PDCD10: variants seen among roughly 807,000 people sequenced by gnomAD.
The protein encoded by PDCD10 is programmed cell death 10.
PDCD10 carries 4 observed loss-of-function variants against 29.2 expected under a neutral mutation model. The observed-to-expected ratio is 0.14, with a 90% CI of 0.07 to 0.31. The LOEUF (loss-of-function observed/expected upper bound fraction) is 0.31. PDCD10 is among the 10% of genes least tolerant of loss of function. PDCD10 has a pLI of 1.00. For missense variants in PDCD10, 183 were observed against 257.9 expected (o/e 0.71, Z 1.99); for synonymous variants, 70 against 82.2 (o/e 0.85, Z 0.80).
chr3:167,709,104 A>C (rs780694936), intron 3 of PDCD10, among the ~76,000 whole-genome samples: 13 of 152,136 alleles, frequency 8.5e-5, no homozygotes, highest in Non-Finnish European at 1.9e-4. Flanking sequence ...AAGAATGTTT[A>C]CTATGCTCAA....
intron 2 of PDCD10, among the ~76,000 whole-genome samples, chr3:167,730,229 C>T: frequency 6.6e-6 from 1 of 150,948 alleles, no homozygotes; most frequent in Admixed American, 6.6e-5. Flanking sequence ...TGTGTGTGTC[C>T]CTAAAGCATA....
intron 4 of PDCD10, among the ~76,000 whole-genome samples, chr3:167,701,041 C>T (rs1309109555): frequency 1.3e-5 from 2 of 152,090 alleles, no homozygotes; most frequent in East Asian, 3.9e-4. Context: ...CAGGACTGTC[C>T]TTATTTATAA....
At chr3:167,689,919 T>A (rs1227979468) in intron 6 of PDCD10, among the ~76,000 whole-genome samples, 1 of 152,196 alleles carries the variant, frequency 6.6e-6, no homozygotes, top group Non-Finnish European at 1.5e-5. Context: ...CAGAAAAGTA[T>A]TTTCATTTAT....
At chr3:167,688,402 C>G (rs1173929144) in intron 6 of PDCD10, among the ~76,000 whole-genome samples, 1 of 152,080 alleles carries the variant, frequency 6.6e-6, no homozygotes, top group Non-Finnish European at 1.5e-5. Context: ...GCACTTTAAC[C>G]TTCCCAGCAA....
intron 8 of PDCD10, 35 bp from the exon 9 acceptor site, chr3:167,684,424 T>C (rs765479593): frequency 1.1e-5 from 14 of 1,245,516 alleles, no homozygotes; most frequent in East Asian, 2.3e-5. Flanking sequence ...ATTAATTTCA[T>C]CCAAAAAATT....
At chr3:167,729,379 T>A (rs964176159) in intron 2 of PDCD10, among the ~76,000 whole-genome samples, 1 of 152,328 alleles carries the variant, frequency 6.6e-6, no homozygotes, top group South Asian at 2.1e-4. Flanking sequence ...AACTGCTCTG[T>A]AACTACAACT....
intron 6 of PDCD10, among the ~76,000 whole-genome samples, chr3:167,692,719 C>G (rs1000005256): frequency 6.6e-6 from 1 of 152,184 alleles, no homozygotes; most frequent in Non-Finnish European, 1.5e-5. Flanking sequence ...GAGATCGAGA[C>G]CATCCTGGCT....
At chr3:167,720,368 T>C in intron 2 of PDCD10, 95 bp from the exon 3 acceptor site, 2 of 533,164 alleles carry the variant, frequency 3.8e-6, no homozygotes, top group Admixed American at 6.4e-5. Context: ...AGTTCCTATT[T>C]TATGAAAAGC....
chr3:167,692,090 G>C (rs960456968), intron 6 of PDCD10, among the ~76,000 whole-genome samples: 1 of 152,090 alleles, frequency 6.6e-6, no homozygotes, highest in East Asian at 1.9e-4. Flanking sequence ...ATGTGTCATG[G>C]CTCATCAACA....
chr3:167,693,469 T>C (rs1347105949), intron 6 of PDCD10, among the ~76,000 whole-genome samples: 1 of 152,212 alleles, frequency 6.6e-6, no homozygotes, highest in East Asian at 1.9e-4. Context: ...CAATTCACAA[T>C]TTAATAGCAT....
At chr3:167,686,656 A>G (rs968443928) in intron 8 of PDCD10, among the ~76,000 whole-genome samples, 6 of 152,184 alleles carry the variant, frequency 3.9e-5, no homozygotes, top group Non-Finnish European at 8.8e-5. Context: ...TCCTAGACCT[A>G]CGAAATCAGA....
Position 167,706,094 on chromosome 3 carries a change from GT to G in PDCD10, c.97-1200del, listed in dbSNP as rs559276827. Among the ~76,000 whole-genome samples the G allele has an allele frequency of 1.6e-4, 24 of 152,256 alleles. No homozygotes were observed. The South Asian group carries it at 2.5e-3, about 16-fold the overall frequency. The stretch of plus-strand genomic sequence containing the variant: ...AGTTCACTCTGTATAGCCCTGAATG[GT>G]ATGTGAAAGGATCCAGACAAGTAAA... On this transcript the variant is annotated intron_variant, in intron 3 of 8. Transcript: ENST00000392750.
chr3:167,729,085 C>T (rs1724521165), intron 2 of PDCD10, among the ~76,000 whole-genome samples: 1 of 152,186 alleles, frequency 6.6e-6, no homozygotes, highest in East Asian at 1.9e-4. Context: ...ATCTGCCACT[C>T]CCCACACCAG....
intron 4 of PDCD10, 60 bp downstream of exon 4, chr3:167,704,782 G>T: frequency 8.7e-7 from 1 of 1,145,094 alleles, no homozygotes; most frequent in Non-Finnish European, 1.3e-6. Context: ...ACCATCACAT[G>T]TACTTACATT....
At chr3:167,716,756 C>T (rs547173923) in intron 3 of PDCD10, among the ~76,000 whole-genome samples, 10 of 152,062 alleles carry the variant, frequency 6.6e-5, no homozygotes, top group Admixed American at 6.6e-4. Context: ...CAGAAGCATA[C>T]TTTTGTGTAA....
chr3:167,697,445 C>T (rs183424514), intron 4 of PDCD10, among the ~76,000 whole-genome samples: 13 of 152,220 alleles, frequency 8.5e-5, no homozygotes, highest in Admixed American at 8.5e-4. Context: ...AGTAATCTAT[C>T]AATTGCTATT....
intron 4 of PDCD10, among the ~76,000 whole-genome samples, chr3:167,699,454 C>G (rs1721151401): frequency 6.6e-6 from 1 of 152,196 alleles, no homozygotes; most frequent in Non-Finnish European, 1.5e-5. Flanking sequence ...AAGGAGTAGT[C>G]TCAGTACCTC....
At chr3:167,720,322 C>T (rs530171292) in intron 2 of PDCD10, 49 bp from the exon 3 acceptor site, 106 of 581,798 alleles carry the variant, frequency 1.8e-4, no homozygotes, top group South Asian at 9.2e-4. Context: ...TAAGGAGAAA[C>T]GACAAATACC....
chr3:167,715,798 G>C (rs1167298187), intron 3 of PDCD10, among the ~76,000 whole-genome samples: 1 of 151,892 alleles, frequency 6.6e-6, no homozygotes, highest in Non-Finnish European at 1.5e-5. Context: ...GGAAAACCCT[G>C]GTATAGTGTT....
Sources: gnomAD v4.1 joint callset for allele counts (sites outside exome capture counted in the v4.1 genomes callset) on GRCh38, gnomAD v4.1.1 for gene constraint, MANE v1.5 for transcripts, NCBI Gene and HGNC (gene_info 2026-07-23, HGNC 2026-07-21) for gene names.